Variants in ACAD11 observed in about 807,000 individuals in gnomAD.
ACAD11 encodes the protein acyl-CoA dehydrogenase family member 11, also known as acyl-Coenzyme A dehydrogenase family, member 11.
ACAD11 carries 83 observed loss-of-function variants against 102.2 expected under a neutral mutation model. The ratio of observed to expected loss-of-function variants is 0.81; its 90% CI spans 0.68 to 0.97. The LOEUF (loss-of-function observed/expected upper bound fraction) is 0.97, where lower values mean the gene tolerates loss of function less well. Ranked by LOEUF, ACAD11 falls within the 50% of genes least tolerant of loss-of-function variation. The pLI is 0.00. For synonymous variants in ACAD11, 324 were observed against 319.8 expected, an observed-to-expected ratio of 1.01 and a Z score of -0.14; for missense variants, 901 against 951.7, an observed-to-expected ratio of 0.95 and a Z score of 0.70.
intron 1 of ACAD11, among the ~76,000 whole-genome samples, chr3:132,658,115 G>A (rs760459551): frequency 1.9e-4 from 29 of 151,872 alleles, no homozygotes; most frequent in Non-Finnish European, 2.4e-4. Flanking sequence ...CACGTGCCTC[G>A]GCCTCCCAAA....
intron 17 of ACAD11, among the ~76,000 whole-genome samples, chr3:132,565,645 A>G (rs1937188490): frequency 6.6e-6 from 1 of 152,216 alleles, no homozygotes; most frequent in Non-Finnish European, 1.5e-5. Flanking sequence ...TCTCCTCCAA[A>G]TCGCATATTG....
At chr3:132,655,907 G>C (rs1341765488) in intron 1 of ACAD11, among the ~76,000 whole-genome samples, 4 of 151,986 alleles carry the variant, frequency 2.6e-5, no homozygotes, top group Admixed American at 1.3e-4. Context: ...TTTAATTTTT[G>C]CAAATTTTAA....
chr3:132,566,423 A>G (rs961772053), intron 17 of ACAD11, among the ~76,000 whole-genome samples: 2 of 152,174 alleles, frequency 1.3e-5, no homozygotes, highest in Non-Finnish European at 2.9e-5. Flanking sequence ...TGAAGAAACA[A>G]TGGTTGAAAA....
chr3:132,646,610 A>C (rs1347724196), intron 1 of ACAD11: 4 of 152,248 alleles, frequency 2.6e-5, no homozygotes, highest in Admixed American at 6.5e-5. Context: ...AGAGAACTGA[A>C]CACATAAAAT....
At chr3:132,575,077 GCTC>G (rs1288182843) in intron 17 of ACAD11, among the ~76,000 whole-genome samples, 2 of 151,902 alleles carry the variant, frequency 1.3e-5, no homozygotes, top group Non-Finnish European at 2.9e-5. Flanking sequence ...GAACTCCTGA[GCTC>G]AGGCAACCCA....
At chr3:132,598,676 T>C (rs145672494) in intron 13 of ACAD11, among the ~76,000 whole-genome samples, 10 of 152,174 alleles carry the variant, frequency 6.6e-5, no homozygotes, top group African/African-American at 2.4e-4. Context: ...AATTGTATGG[T>C]AGATAAAGGA....
chr3:132,618,009 C>A (rs1939471427), intron 11 of ACAD11, among the ~76,000 whole-genome samples: 1 of 152,140 alleles, frequency 6.6e-6, no homozygotes, highest in Non-Finnish European at 1.5e-5. Context: ...AAAAATGTAA[C>A]CCATATTCCC....
intron 11 of ACAD11, among the ~76,000 whole-genome samples, chr3:132,608,818 C>A (rs962045598): frequency 7.2e-5 from 11 of 152,132 alleles, no homozygotes; most frequent in Non-Finnish European, 1.6e-4. Flanking sequence ...GACTCTCCAC[C>A]CCAAACTGAC....
At chr3:132,566,073 C>T (rs928894934) in intron 17 of ACAD11, among the ~76,000 whole-genome samples, 1 of 151,912 alleles carries the variant, frequency 6.6e-6, no homozygotes, top group African/African-American at 2.4e-5. Flanking sequence ...CAGTTACAAA[C>T]ACAGCTGAAG....
In ACAD11 at chr3:132,583,880, T is replaced by G. The variant is rs147345755; in HGVS notation, c.1622-4322A>C. On this transcript the variant is annotated intron_variant, in intron 13 of 19. Coordinates refer to ENST00000264990, the MANE Select transcript of ACAD11 (RefSeq NM_032169.5). ...CAGTTTGGAGTGGTTTTCTTAATCC[T>G]GAGTTCTAGCTTGATTGCACTGTGG... Among the ~76,000 whole-genome samples the G allele has an allele frequency of 2.6e-5, 4 of 152,368 alleles. No homozygotes were observed. In the East Asian group the frequency reaches 7.7e-4, roughly 29 times the overall value.
chr3:132,570,533 G>A (rs904869909), intron 17 of ACAD11, among the ~76,000 whole-genome samples: 2 of 151,318 alleles, frequency 1.3e-5, no homozygotes, highest in East Asian at 1.9e-4. Flanking sequence ...TTTTAAATTC[G>A]GGATACATGT....
intron 13 of ACAD11, chr3:132,600,301 A>G: frequency 8.7e-7 from 1 of 1,149,310 alleles, no homozygotes; most frequent in East Asian, 2.6e-5. Flanking sequence ...GCTATACTCT[A>G]GGGAAAGAAC....
At chr3:132,578,953 A>C in intron 14 of ACAD11, 72 bp from the exon 15 acceptor site, 1 of 1,596,478 alleles carries the variant, frequency 6.3e-7, no homozygotes, top group Non-Finnish European at 8.5e-7. Flanking sequence ...AAGCAGAATC[A>C]CAATTGTCTT....
chr3:132,558,990 CT>C lies in ACAD11; in HGVS notation c.2323del (p.Arg775AspfsTer2). 1 of 1,613,326 alleles carries C rather than the reference CT, an allele frequency of 6.2e-7. No individual in the cohort carries two copies. The highest frequency in any genetic ancestry group is 8.5e-7 in the Non-Finnish European group (1 of 1,179,532). ...CCCTCCTTATATCTTGGCTGTCAGT[CT>C]TTTGGCTTGGTCCCGCAGCTCCATT... is the stretch of plus-strand genomic sequence containing the variant. Reference protein sequence around the residue: ...ATMELRDQAKRLTAKI With the variant: ...ATMELRDQAKXLTAKI On this transcript the variant is annotated frameshift_variant, in exon 20 of 20. Transcript: ENST00000264990. LOFTEE classifies it high-confidence loss of function.
At chr3:132,559,553 A>T (rs1290609488) in intron 19 of ACAD11, among the ~76,000 whole-genome samples, 7 of 152,096 alleles carry the variant, frequency 4.6e-5, no homozygotes, top group Non-Finnish European at 1.0e-4. Context: ...AGTCACTGAC[A>T]TGTCCTGCTA....
At chr3:132,611,573 A>T (rs1419687049) in intron 11 of ACAD11, among the ~76,000 whole-genome samples, 1 of 152,120 alleles carries the variant, frequency 6.6e-6, no homozygotes, top group Non-Finnish European at 1.5e-5. Flanking sequence ...ATTCATATAC[A>T]CCAATAACAG....
chr3:132,652,736 T>G (rs1047039580), intron 1 of ACAD11, among the ~76,000 whole-genome samples: 2 of 152,014 alleles, frequency 1.3e-5, no homozygotes, highest in Non-Finnish European at 2.9e-5. Context: ...GGGAAGCAGG[T>G]CAAGAAAGGG....
intron 17 of ACAD11, among the ~76,000 whole-genome samples, chr3:132,567,843 T>C (rs76355082): frequency 0.018 from 2,689 of 152,170 alleles, 53 homozygotes; most frequent in Admixed American, 0.041. Context: ...TTATTCAACA[T>C]AGTATTGGAA....
chr3:132,558,873 C>T lies in ACAD11; in HGVS notation c.*98G>A. The T allele has an allele frequency of 2.3e-6, 2 of 852,942 alleles. No homozygotes were observed. Among genetic ancestry groups the T allele is most frequent in the Non-Finnish European group, 3.8e-6 (2 of 532,312 alleles). 52.8% of individuals were successfully genotyped at this position (852,942 alleles called of 1,614,324 possible). On this transcript the variant is annotated 3_prime_UTR_variant, in exon 20 of 20. Coordinates refer to ENST00000264990, the MANE Select transcript of ACAD11 (RefSeq NM_032169.5). ...CCACAAATGAATAATTAACCCTGTG[C>T]TCAAACTGCTACAAAAATATGAGAT...
Sources: allele counts gnomAD v4.1 joint callset (sites outside exome capture counted in the v4.1 genomes callset), GRCh38; gene constraint gnomAD v4.1.1; transcripts MANE v1.5; gene names NCBI Gene and HGNC (gene_info 2026-07-23, HGNC 2026-07-21).